The following EHMT1 variants were observed in gnomAD, a reference collection of about 807,000 sequenced individuals.
EHMT1 encodes histone-lysine N-methyltransferase EHMT1.
A neutral mutation model predicts 147.2 loss-of-function variants in EHMT1; 15 were observed. The observed-to-expected ratio is 0.10, with a 90% confidence interval of 0.07 to 0.16. EHMT1 has a LOEUF of 0.16. Ranked by LOEUF, EHMT1 falls within the 10% of genes least tolerant of loss-of-function variation. The pLI is 1.00. For missense variants in EHMT1, 1,587 were observed against 1,772.4 expected, an observed-to-expected ratio of 0.90 and a Z score of 1.88; for synonymous variants, 795 against 709.6, an observed-to-expected ratio of 1.12 and a Z score of -1.91.
intron 7 of EHMT1, among the ~76,000 whole-genome samples, chr9:137,753,344 G>A (rs1949125213): frequency 1.3e-5 from 2 of 152,282 alleles, no homozygotes; most frequent in South Asian, 4.1e-4. Context: ...GGTGGCAGAG[G>A]GGCAGCTAGA....
At chr9:137,830,746 C>A (rs1336566036) in intron 25 of EHMT1, among the ~76,000 whole-genome samples, 2 of 152,164 alleles carry the variant, frequency 1.3e-5, no homozygotes, top group Non-Finnish European at 2.9e-5. Flanking sequence ...TAGGCAGTTA[C>A]ATTAATTTTA....
intron 1 of EHMT1, among the ~76,000 whole-genome samples, chr9:137,649,267 CTGGTCAACA>C (rs1845129775): frequency 6.6e-6 from 1 of 152,134 alleles, no homozygotes; most frequent in Non-Finnish European, 1.5e-5. Flanking sequence ...AGAGACCAGC[CTGGTCAACA>C]TGGGGAAACC....
intron 1 of EHMT1, among the ~76,000 whole-genome samples, chr9:137,682,169 C>CA (rs1247671576): frequency 6.6e-6 from 1 of 152,036 alleles, no homozygotes; most frequent in Non-Finnish European, 1.5e-5. Context: ...AGGATGGTCT[C>CA]AATCTCCTGA....
chr9:137,835,398 C>G lies in EHMT1; in HGVS notation c.*445C>G, dbSNP rs1956522729. 1 of 155,342 alleles carries G rather than the reference C, an allele frequency of 6.4e-6. No homozygotes were observed. Among genetic ancestry groups the G allele is most frequent in the South Asian group, 2.0e-4 (1 of 4,884 alleles). 9.6% of individuals were successfully genotyped at this position (155,342 alleles called of 1,614,324 possible). A position where few individuals can be genotyped will look rare whatever the true frequency, so the allele number is the denominator to read the frequency against. ...CGTTAGCGCGAGCTGCTCCGTTCGC[C>G]CTGCCCACGGCCTGCGTGGCTGGGG... On this transcript the variant is annotated 3_prime_UTR_variant, in exon 27 of 27. Transcript: ENST00000460843.
chr9:137,762,701 G>A lies in EHMT1; in HGVS notation c.1528G>A (p.Glu510Lys). The A allele has an allele frequency of 6.2e-7, 1 of 1,614,250 alleles. No individual in the cohort carries two copies. Among genetic ancestry groups the A allele is most frequent in the Non-Finnish European group, 8.5e-7 (1 of 1,180,042 alleles). The change falls in exon 10 of 27, where the codon GAG becomes AAG. Residue 510 changes from glutamate to lysine, a missense_variant. This residue lies in a region of EHMT1 where 810 missense variants were observed against 673.0 expected (regional missense o/e 1.20). Transcript: ENST00000460843. ...EGLANGPDVL[E>K]TDGLQEVPLC... is the part of the protein sequence containing the mutation. ...GTTGGCCAACGGTCCAGATGTGCTG[G>A]AGACAGACGGCCTCCAGGAAGTGCC...
At chr9:137,822,846 T>A (rs1955527299) in intron 25 of EHMT1, among the ~76,000 whole-genome samples, 2 of 150,160 alleles carry the variant, frequency 1.3e-5, no homozygotes, top group Non-Finnish European at 2.9e-5. Context: ...TGAGCCAAGA[T>A]CATGCCATTG....
chr9:137,792,561 C>T (rs1436425889), intron 16 of EHMT1, among the ~76,000 whole-genome samples: 6 of 152,014 alleles, frequency 3.9e-5, no homozygotes, highest in African/African-American at 7.3e-5. Context: ...AAAAATTAGC[C>T]GGGCGTGGTG....
intron 3 of EHMT1, among the ~76,000 whole-genome samples, chr9:137,722,215 G>A (rs1480428689): frequency 3.3e-5 from 5 of 152,056 alleles, no homozygotes; most frequent in Admixed American, 6.6e-5. Context: ...TATTCGTGAG[G>A]ATCTTTTATT....
rs769782017 is a variant in EHMT1, at chr9:137,834,938, C to T, written c.3882C>T (p.Ala1294=). Residue 1294 remains alanine, a synonymous_variant, in exon 27 of 27, where the codon GCC becomes GCT. Transcript: ENST00000460843. ...DGLPDTSSAA[A]ADPL is the part of the protein sequence containing the mutation. The stretch of plus-strand genomic sequence containing the variant: ...TGCCCGACACCAGCTCCGCGGCTGC[C>T]GCCGACCCCCTATGAGACGCCGCCG... 7 of 1,514,334 alleles carry T rather than the reference C, an allele frequency of 4.6e-6. No individual in the cohort carries two copies. Among genetic ancestry groups the T allele is most frequent in the Admixed American group, 4.5e-5 (2 of 44,722 alleles). The allele number at this position is 1,514,334 out of a possible 1,614,324, so 93.8% of individuals were successfully genotyped here. A position where few individuals can be genotyped will look rare whatever the true frequency, so the allele number is the denominator to read the frequency against.
At chr9:137,677,335 A>G (rs1001005821) in intron 1 of EHMT1, among the ~76,000 whole-genome samples, 2 of 150,898 alleles carry the variant, frequency 1.3e-5, no homozygotes. Flanking sequence ...GGGTTTTGCC[A>G]TGTTGCCCAG....
chr9:137,628,177 G>C (rs1288694878), intron 1 of EHMT1, among the ~76,000 whole-genome samples: 1 of 152,186 alleles, frequency 6.6e-6, no homozygotes, highest in Non-Finnish European at 1.5e-5. Flanking sequence ...CCACCCTTCT[G>C]TGTTTTCTGG....
intron 14 of EHMT1, among the ~76,000 whole-genome samples, chr9:137,781,201 T>C (rs117050229): frequency 0.33 from 1,107 of 3,320 alleles, 204 homozygotes; most frequent in Non-Finnish European, 0.36. Flanking sequence ...GTGACGACGC[T>C]GAGACGTGTG....
intron 19 of EHMT1, among the ~76,000 whole-genome samples, chr9:137,812,141 C>G (rs936410781): frequency 6.6e-6 from 1 of 152,198 alleles, no homozygotes; most frequent in South Asian, 2.1e-4. Flanking sequence ...GAGTTTGAGA[C>G]TAGCCTGGCC....
chr9:137,652,982 C>T (rs577433186), intron 1 of EHMT1, among the ~76,000 whole-genome samples: 1 of 152,314 alleles, frequency 6.6e-6, no homozygotes, highest in South Asian at 2.1e-4. Flanking sequence ...TTCGCCTTGG[C>T]CTCCCAAAGT....
chr9:137,809,862 C>T (rs1158827574), intron 18 of EHMT1, among the ~76,000 whole-genome samples: 1 of 151,192 alleles, frequency 6.6e-6, no homozygotes, highest in Admixed American at 6.6e-5. Context: ...CGATGCCGCC[C>T]TGTGTGGACC....
intron 2 of EHMT1, among the ~76,000 whole-genome samples, chr9:137,712,719 T>C (rs1011636116): frequency 1.3e-5 from 2 of 152,216 alleles, no homozygotes; most frequent in African/African-American, 2.4e-5. Context: ...GGTCTGTGGC[T>C]TGTCTTTCCC....
chr9:137,694,514 G>T (rs1197102013), intron 1 of EHMT1, among the ~76,000 whole-genome samples: 1 of 152,130 alleles, frequency 6.6e-6, no homozygotes, highest in African/African-American at 2.4e-5. Context: ...AGTCTCGTTG[G>T]TCGGCAGTCT....
At chr9:137,793,053 C>T (rs978170455) in intron 16 of EHMT1, among the ~76,000 whole-genome samples, 2 of 152,082 alleles carry the variant, frequency 1.3e-5, no homozygotes, top group Admixed American at 6.6e-5. Flanking sequence ...AAAGTCAGCC[C>T]CCGATCCAAG....
chr9:137,820,055 C>T (rs1456465269), intron 25 of EHMT1: 1 of 152,174 alleles, frequency 6.6e-6, no homozygotes, highest in Non-Finnish European at 1.5e-5. Context: ...CACCAGACCA[C>T]GGAATAAATC....
Sources: allele counts gnomAD v4.1 joint callset (sites outside exome capture counted in the v4.1 genomes callset), GRCh38; gene constraint gnomAD v4.1.1; regional missense constraint gnomAD v4.1.1; transcripts MANE v1.5; gene names NCBI Gene and HGNC (gene_info 2026-07-23, HGNC 2026-07-21).